NOTCH2NLC: variants seen among roughly 807,000 people sequenced by gnomAD.
The protein encoded by NOTCH2NLC is notch 2 N-terminal like C.
NOTCH2NLC carries 4 observed loss-of-function variants against 17.7 expected under a neutral mutation model. That is an observed-to-expected ratio of 0.23 (90% confidence interval 0.11 to 0.52). The LOEUF (loss-of-function observed/expected upper bound fraction) is 0.52, where lower values mean the gene tolerates loss of function less well. NOTCH2NLC is among the 20% of genes least tolerant of loss of function. The pLI, the probability that NOTCH2NLC is intolerant of heterozygous loss-of-function variation, is 0.96. For missense variants in NOTCH2NLC, 57 were observed against 207.2 expected, an observed-to-expected ratio of 0.28 and a Z score of 4.45; for synonymous variants, 18 against 86.0, an observed-to-expected ratio of 0.21 and a Z score of 4.38.
chr1:149,419,923 G>C (rs1457003007), intron 1 of NOTCH2NLC, among the ~76,000 whole-genome samples: 1 of 126,138 alleles, frequency 7.9e-6, no homozygotes, highest in African/African-American at 3.0e-5. Context: ...CTGGAGTGCA[G>C]TGGCACAATC....
Position 149,402,406 on chromosome 1 carries a change from AT to A in NOTCH2NLC, c.135+11493del, listed in dbSNP as rs1207003593. Among the ~76,000 whole-genome samples, 445 of 141,710 alleles carry A rather than the reference AT, an allele frequency of 3.1e-3. 5 individuals carry two copies. Among genetic ancestry groups the A allele is most frequent in the African/African-American group, 0.011 (433 of 38,258 alleles). 93.0% of individuals were successfully genotyped at this position (141,710 alleles called of 152,430 possible). A position where few individuals can be genotyped will look rare whatever the true frequency, so the allele number is the denominator to read the frequency against. On this transcript the variant is annotated intron_variant, in intron 1 of 4. Transcript: ENST00000650865. ...TGCAGCTTGATTTTTTAAACATCAG[AT>A]TTTTTTTTCTTTTTTGATTTTTATT...
chr1:149,412,123 A>C (rs1482424473), intron 1 of NOTCH2NLC, among the ~76,000 whole-genome samples: 8 of 144,910 alleles, frequency 5.5e-5, no homozygotes, highest in Admixed American at 2.8e-4. Flanking sequence ...CTCCAAAAAA[A>C]AAAAAAACAA....
chr1:149,414,216 G>T (rs1443210633), intron 1 of NOTCH2NLC, among the ~76,000 whole-genome samples: 1 of 148,808 alleles, frequency 6.7e-6, no homozygotes, highest in African/African-American at 2.5e-5. Context: ...AGTGCGAAGT[G>T]ATTGGCCCTT....
Position 149,430,418 on chromosome 1 carries a change from C to G in NOTCH2NLC, c.136-524C>G, listed in dbSNP as rs1423954114. Among the ~76,000 whole-genome samples the G allele has an allele frequency of 2.1e-5, 3 of 142,046 alleles. 1 individual carries two copies. The East Asian group carries it at 6.6e-4, about 31-fold the overall frequency. The allele number at this position is 142,046 out of a possible 152,430, so 93.2% of individuals were successfully genotyped here. On this transcript the variant is annotated intron_variant, in intron 1 of 4. Coordinates refer to ENST00000650865, the MANE Select transcript of NOTCH2NLC (RefSeq NM_001364013.2). The stretch of plus-strand genomic sequence containing the variant: ...CTTTTTTCTGGATCCTAATTTTGTG[C>G]CTGGTGCATACTAGGCTCTCAATTT...
At chr1:149,409,502 G>A (rs1233218402) in intron 1 of NOTCH2NLC, among the ~76,000 whole-genome samples, 2 of 148,540 alleles carry the variant, frequency 1.3e-5, no homozygotes, top group Non-Finnish European at 3.0e-5. Flanking sequence ...AACCATCTGT[G>A]GAGTGACATA....
intron 2 of NOTCH2NLC, among the ~76,000 whole-genome samples, chr1:149,432,431 A>C (rs1219765102): frequency 1.3e-5 from 2 of 151,140 alleles, no homozygotes; most frequent in Admixed American, 6.6e-5. Flanking sequence ...TATGTAGCTT[A>C]TTATGGGCTG....
intron 1 of NOTCH2NLC, among the ~76,000 whole-genome samples, chr1:149,418,753 G>GGTATACCATGGTATA (rs2084359739): frequency 1.5e-5 from 2 of 133,204 alleles, no homozygotes; most frequent in African/African-American, 2.8e-5. Flanking sequence ...CATTTTTCAA[G>GGTATACCATGGTATA]CACTTACCAT....
intron 1 of NOTCH2NLC, among the ~76,000 whole-genome samples, chr1:149,426,921 G>A (rs2084416114): frequency 6.6e-6 from 1 of 150,512 alleles, no homozygotes; most frequent in Non-Finnish European, 1.5e-5. Context: ...GGTTATCAAA[G>A]TTTTAATTTC....
intron 1 of NOTCH2NLC, 72 bp downstream of exon 1, chr1:149,390,994 G>C: frequency 1.7e-6 from 2 of 1,179,870 alleles, no homozygotes; most frequent in South Asian, 1.8e-5. Context: ...TCTCCCCCTC[G>C]GTCCTTCTCT....
In NOTCH2NLC at chr1:149,467,347, C is replaced by G. The variant is rs2084690607; in HGVS notation, c.*3194C>G. Reference sequence around the variant, plus strand: ...AAATGGTTAATTTACAATTTTTTCCCTGCAAAGGATACTGTAGTCACTGTG... The same window carrying G: ...AAATGGTTAATTTACAATTTTTTCCGTGCAAAGGATACTGTAGTCACTGTG... On this transcript the variant is annotated 3_prime_UTR_variant, in exon 5 of 5. Coordinates refer to ENST00000650865, the MANE Select transcript of NOTCH2NLC (RefSeq NM_001364013.2). 1.4e-5 allele frequency: 2 copies of G among 141,026 alleles called. 1 individual carries two copies. The highest frequency in any genetic ancestry group is 4.7e-4 in the East Asian group (2 of 4,278). 8.7% of individuals were successfully genotyped at this position (141,026 alleles called of 1,614,324 possible). A position where few individuals can be genotyped will look rare whatever the true frequency, so the allele number is the denominator to read the frequency against.
intron 1 of NOTCH2NLC, among the ~76,000 whole-genome samples, chr1:149,430,035 A>G (rs1278390767): frequency 1.3e-5 from 2 of 150,690 alleles, no homozygotes; most frequent in Non-Finnish European, 3.0e-5. Flanking sequence ...AAGCTAAACA[A>G]TCAAGATATT....
intron 1 of NOTCH2NLC, 35 bp from the exon 2 acceptor site, chr1:149,430,907 C>T (rs1327906131): frequency 4.6e-5 from 14 of 301,560 alleles, no homozygotes; most frequent in African/African-American, 4.5e-4. Context: ...TGACTTACTT[C>T]TAATGTGCAT....
intron 1 of NOTCH2NLC, among the ~76,000 whole-genome samples, chr1:149,400,066 C>T (rs1312989023): frequency 6.9e-6 from 1 of 145,072 alleles, no homozygotes; most frequent in Non-Finnish European, 1.5e-5. Context: ...TTTTGGTATA[C>T]GTCTTTGGTT....
At chr1:149,420,079 C>G (rs2084370861) in intron 1 of NOTCH2NLC, among the ~76,000 whole-genome samples, 1 of 149,242 alleles carries the variant, frequency 6.7e-6, no homozygotes, top group Non-Finnish European at 1.5e-5. Flanking sequence ...ACCGTGTTAG[C>G]CAGGATGGTG....
rs1432111364 is a variant in NOTCH2NLC at position 149,422,876 on chromosome 1, A to AT, written c.136-8058dup. Among the ~76,000 whole-genome samples, 507 of 131,432 alleles carry AT rather than the reference A, an allele frequency of 3.9e-3. 2 individuals are homozygous for AT. The highest frequency in any genetic ancestry group is 0.011 in the African/African-American group (385 of 35,234). 86.2% of individuals were successfully genotyped at this position (131,432 alleles called of 152,430 possible). On this transcript the variant is annotated intron_variant, in intron 1 of 4. Transcript: ENST00000650865. ...AATATAGCACAGCAAACACTGATGA[A>AT]TTTTTTTTGCAATGAGTTCAATATT...
chr1:149,425,403 G>A (rs1279566402), intron 1 of NOTCH2NLC, among the ~76,000 whole-genome samples: 18 of 151,394 alleles, frequency 1.2e-4, no homozygotes, highest in Non-Finnish European at 1.6e-4. Flanking sequence ...ACAGACATGC[G>A]TGGAGGAATG....
At chr1:149,445,660 T>G (rs1467286651) in intron 2 of NOTCH2NLC, among the ~76,000 whole-genome samples, 3 of 150,934 alleles carry the variant, frequency 2.0e-5, no homozygotes, top group African/African-American at 7.3e-5. Context: ...GTTTAAAGAA[T>G]TTTCTGCTGG....
chr1:149,432,340 A>G (rs2084456096), intron 2 of NOTCH2NLC, among the ~76,000 whole-genome samples: 1 of 151,042 alleles, frequency 6.6e-6, no homozygotes, highest in Non-Finnish European at 1.5e-5. Flanking sequence ...TAAAGTGAAA[A>G]TATTTTAAGC....
chr1:149,412,456 G>A (rs1344891268), intron 1 of NOTCH2NLC, among the ~76,000 whole-genome samples: 81 of 139,010 alleles, frequency 5.8e-4, no homozygotes, highest in African/African-American at 2.0e-3. Context: ...CTTGGCTATG[G>A]GACTATATGT....
Sources: allele counts gnomAD v4.1 joint callset (sites outside exome capture counted in the v4.1 genomes callset), GRCh38; gene constraint gnomAD v4.1.1; transcripts MANE v1.5; gene names NCBI Gene and HGNC (gene_info 2026-07-23, HGNC 2026-07-21).